The following PACRGL variants were observed in gnomAD, a reference collection of about 807,000 sequenced individuals.
PACRGL encodes the protein PACRG-like protein.
A neutral mutation model predicts 34.5 loss-of-function variants in PACRGL; 38 were observed. The ratio of observed to expected loss-of-function variants is 1.10; its 90% confidence interval spans 0.85 to 1.44. The LOEUF (loss-of-function observed/expected upper bound fraction) is 1.44, where lower values mean the gene tolerates loss of function less well. PACRGL is among the 40% of genes most tolerant of loss of function. The pLI is 0.00. For missense variants in PACRGL, 305 were observed against 281.4 expected (o/e 1.08, Z -0.60); for synonymous variants, 128 against 100.1 (o/e 1.28, Z -1.66).
chr4:20,711,993 A>G (rs1737481437), intron 5 of PACRGL, among the ~76,000 whole-genome samples: 1 of 152,122 alleles, frequency 6.6e-6, no homozygotes, highest in East Asian at 1.9e-4. Context: ...CACTAAATGT[A>G]GGGGATCTTA....
intron 7 of PACRGL, among the ~76,000 whole-genome samples, chr4:20,717,433 C>T (rs1740664186): frequency 6.6e-6 from 1 of 152,068 alleles, no homozygotes; most frequent in South Asian, 2.1e-4. Flanking sequence ...AATGGTATTG[C>T]CTAGGTTTTC....
chr4:20,729,695 A>AAAACCATTCAAAATCCTAG lies in PACRGL; in HGVS notation c.*2355_*2373dup, dbSNP rs1216654788. Reference sequence around the variant, plus strand: ...TTAAATGCAGATGTCACTATATTAGAAAACCATTCAAAATCCTAGGACTGA... The same window carrying AAAACCATTCAAAATCCTAG: ...TTAAATGCAGATGTCACTATATTAGAAAACCATTCAAAATCCTAGAAACCATTCAAAATCCTAGGACTGA... On this transcript the variant is annotated 3_prime_UTR_variant, in exon 9 of 9. Coordinates refer to ENST00000503585, the MANE Select transcript of PACRGL (RefSeq NM_001258345.3). The AAAACCATTCAAAATCCTAG allele has an allele frequency of 1.2e-5, 2 of 161,466 alleles. No individual in the cohort carries two copies. The allele number at this position is 161,466 out of a possible 1,614,324, so 10.0% of individuals were successfully genotyped here.
chr4:20,706,380 T>A (rs1351714456), intron 3 of PACRGL, among the ~76,000 whole-genome samples: 1 of 152,212 alleles, frequency 6.6e-6, no homozygotes, highest in Non-Finnish European at 1.5e-5. Flanking sequence ...AATATGTTGA[T>A]AGTATAGTAC....
intron 3 of PACRGL, among the ~76,000 whole-genome samples, chr4:20,705,018 T>TA (rs1425443145): frequency 1.3e-5 from 2 of 152,170 alleles, no homozygotes; most frequent in African/African-American, 4.8e-5. Flanking sequence ...ACATAGAAGT[T>TA]AACCTGTTTG....
intron 7 of PACRGL, among the ~76,000 whole-genome samples, chr4:20,720,715 C>G (rs1004092970): frequency 6.6e-6 from 1 of 152,136 alleles, no homozygotes; most frequent in African/African-American, 2.4e-5. Flanking sequence ...GATGGGCTTC[C>G]CTTTGTGGGT....
At chr4:20,734,738 G>A, downstream of PACRGL, 3 of 1,514,652 alleles carry the variant, frequency 2.0e-6, no homozygotes, top group Non-Finnish European at 2.7e-6. Context: ...ATGAAATCCT[G>A]AAAAGAAATA....
chr4:20,730,201 G>GTATTGCCTCCTCCCA lies in PACRGL; in HGVS notation c.*2862_*2876dup. 6.7e-7 allele frequency: 1 copy of GTATTGCCTCCTCCCA among 1,502,854 alleles called. No homozygotes were observed. Among genetic ancestry groups the GTATTGCCTCCTCCCA allele is most frequent in the Middle Eastern group, 1.8e-4 (1 of 5,598 alleles). 93.1% of individuals were successfully genotyped at this position (1,502,854 alleles called of 1,614,324 possible). A position where few individuals can be genotyped will look rare whatever the true frequency, so the allele number is the denominator to read the frequency against. On this transcript the variant is annotated 3_prime_UTR_variant, in exon 9 of 9. Coordinates refer to ENST00000503585, the MANE Select transcript of PACRGL (RefSeq NM_001258345.3). Reference sequence around the variant, plus strand: ...GAAAAGTACACTATTTTGCCCCTGAGTATTGCCTCCTCCCATCAACCACCT... The same window carrying GTATTGCCTCCTCCCA: ...GAAAAGTACACTATTTTGCCCCTGAGTATTGCCTCCTCCCATATTGCCTCCTCCCATCAACCACCT...
At chr4:20,719,140 G>A (rs946812809) in intron 7 of PACRGL, among the ~76,000 whole-genome samples, 1 of 152,312 alleles carries the variant, frequency 6.6e-6, no homozygotes, top group Admixed American at 6.5e-5. Flanking sequence ...AGTATTCTCT[G>A]ATGGTAGTTT....
chr4:20,720,953 C>T (rs1313786326), intron 7 of PACRGL, among the ~76,000 whole-genome samples: 1 of 152,218 alleles, frequency 6.6e-6, no homozygotes, highest in African/African-American at 2.4e-5. Flanking sequence ...CTGTCACTTT[C>T]AGGTACACCA....
intron 1 of PACRGL, 42 bp from the exon 2 acceptor site, chr4:20,704,424 C>A: frequency 6.3e-7 from 1 of 1,588,050 alleles, no homozygotes; most frequent in Non-Finnish European, 8.6e-7. Context: ...AATGCCCCTC[C>A]AAACAAATTT....
chr4:20,696,508 G>T (rs1041897454), upstream of PACRGL: 1 of 152,222 alleles, frequency 6.6e-6, no homozygotes, highest in Non-Finnish European at 1.5e-5. Flanking sequence ...TCCAAGGAGA[G>T]AAAGGGTAAA....
At chr4:20,712,586 C>G in intron 5 of PACRGL, 1 of 411,644 alleles carries the variant, frequency 2.4e-6, no homozygotes, top group Non-Finnish European at 4.1e-6. Context: ...GCCCTGGAAC[C>G]AGTTTCCCTT....
rs943065152 is a variant in PACRGL at position 20,746,912 on chromosome 4, A to G, written c.*57-5653A>G. Among the ~76,000 whole-genome samples the G allele has an allele frequency of 2.0e-5, 3 of 152,282 alleles. No individual in the cohort carries two copies. In the East Asian group the frequency reaches 5.8e-4, roughly 29 times the overall value. The stretch of plus-strand genomic sequence containing the variant: ...CAGTATGCTATTGCTATTATTCAAA[A>G]TGTGTTCATTCCCTAACCATTTCTA... On this transcript the variant is annotated intron_variant, in intron 8 of 8. Transcript: ENST00000507634.
In PACRGL at chr4:20,730,498, TCA is replaced by T. The variant is rs1305369187; in HGVS notation, c.*3162_*3163del. Among the ~76,000 whole-genome samples, 1 of 152,114 alleles carries T rather than the reference TCA, an allele frequency of 6.6e-6. No individual in the cohort carries two copies. The highest frequency in any genetic ancestry group is 2.4e-5 in the African/African-American group (1 of 41,420). Reference sequence around the variant, plus strand: ...CATTCTATGTAGATCACAGGCCAAATCACACAGACTTTTATACAGGTACAAGG... The same window carrying T: ...CATTCTATGTAGATCACAGGCCAAATCACAGACTTTTATACAGGTACAAGG... On this transcript the variant is annotated 3_prime_UTR_variant, in exon 9 of 9. Coordinates refer to ENST00000503585, the MANE Select transcript of PACRGL (RefSeq NM_001258345.3).
chr4:20,732,043 AC>A lies in PACRGL; in HGVS notation c.*4706del. 6.2e-7 allele frequency: 1 copy of A among 1,612,938 alleles called. No homozygotes were observed. The highest frequency in any genetic ancestry group is 8.5e-7 in the Non-Finnish European group (1 of 1,179,572). ...TTCAATGAACTCATCTATGGTAACA[AC>A]CCCATCTTTATTTTTGTCCATTTTC... On this transcript the variant is annotated 3_prime_UTR_variant, in exon 9 of 9. Transcript: ENST00000503585.
At chr4:20,715,342 G>A (rs548970816) in intron 7 of PACRGL, among the ~76,000 whole-genome samples, 10 of 152,046 alleles carry the variant, frequency 6.6e-5, no homozygotes, top group African/African-American at 1.9e-4. Flanking sequence ...GTTAATGGGT[G>A]CAGCACACCA....
intron 8 of PACRGL, among the ~76,000 whole-genome samples, chr4:20,745,355 G>C (rs1340716702): frequency 6.6e-6 from 1 of 152,100 alleles, no homozygotes; most frequent in Non-Finnish European, 1.5e-5. Context: ...TATGGTCTTA[G>C]AGCACCTCTC....
intron 3 of PACRGL, among the ~76,000 whole-genome samples, chr4:20,707,144 C>T (rs1455943695): frequency 2.0e-5 from 3 of 151,928 alleles, no homozygotes; most frequent in Non-Finnish European, 2.9e-5. Flanking sequence ...TTCCTAAATC[C>T]TCTGTAAGTC....
chr4:20,723,991 G>A (rs374633212), intron 7 of PACRGL, among the ~76,000 whole-genome samples: 1 of 151,830 alleles, frequency 6.6e-6, no homozygotes, highest in East Asian at 1.9e-4. Flanking sequence ...ATTTTTATGG[G>A]GTTTATAGAC....
Sources: gnomAD v4.1 joint callset for allele counts (sites outside exome capture counted in the v4.1 genomes callset) on GRCh38, gnomAD v4.1.1 for gene constraint, MANE v1.5 for transcripts, NCBI Gene and HGNC (gene_info 2026-07-23, HGNC 2026-07-21) for gene names.